Variants in CCBE1 observed in about 807,000 individuals in gnomAD.
CCBE1 encodes the protein collagen and calcium-binding EGF domain-containing protein 1.
In CCBE1, 37 loss-of-function variants were observed where a neutral mutation model predicts 50.0. That is an observed-to-expected ratio of 0.74 (90% CI 0.57 to 0.97). CCBE1 has a LOEUF of 0.97. Among genes scored for constraint, CCBE1 ranks in the 50% least tolerant of loss-of-function variants. The pLI, the probability that CCBE1 is intolerant of heterozygous loss-of-function variation, is 0.00. For synonymous variants in CCBE1, 234 were observed against 203.7 expected, an observed-to-expected ratio of 1.15 and a Z score of -1.27; for missense variants, 538 against 523.8, an observed-to-expected ratio of 1.03 and a Z score of -0.26.
intron 2 of CCBE1, among the ~76,000 whole-genome samples, chr18:59,693,702 T>C (rs142398602): frequency 6.6e-6 from 1 of 152,288 alleles, no homozygotes; most frequent in East Asian, 1.9e-4. Context: ...TATCGTTTTA[T>C]ACTCAAACAT....
At chr18:59,595,767 C>T (rs2053341736) in intron 2 of CCBE1, among the ~76,000 whole-genome samples, 1 of 152,152 alleles carries the variant, frequency 6.6e-6, no homozygotes, top group African/African-American at 2.4e-5. Flanking sequence ...CTTTGGCAGG[C>T]AGAGCAAAGG....
intron 2 of CCBE1, among the ~76,000 whole-genome samples, chr18:59,508,710 G>GTTTT (rs1568177680): frequency 1.0e-5 from 1 of 99,408 alleles, no homozygotes; most frequent in African/African-American, 4.5e-5. Flanking sequence ...ATAGAGTTAC[G>GTTTT]CTTTTTTTTT....
chr18:59,490,601 G>A (rs1913054077), intron 2 of CCBE1, among the ~76,000 whole-genome samples: 1 of 152,196 alleles, frequency 6.6e-6, no homozygotes, highest in South Asian at 2.1e-4. Flanking sequence ...ACTACATACA[G>A]GCATGTCTGC....
chr18:59,543,692 G>A (rs1386146365), intron 2 of CCBE1, among the ~76,000 whole-genome samples: 4 of 152,114 alleles, frequency 2.6e-5, no homozygotes, highest in East Asian at 1.9e-4. Context: ...AAAATTAGCC[G>A]GGTGTGGTGG....
At chr18:59,658,879 CAAAAAAAAAAAAAAA>C (rs61226521) in intron 2 of CCBE1, among the ~76,000 whole-genome samples, 1 of 54,752 alleles carries the variant, frequency 1.8e-5, no homozygotes, top group South Asian at 1.3e-3. Flanking sequence ...GACTCTGTCT[CAAAAAAAAAAAAAAA>C]AAAAAAAAAA....
At chr18:59,561,945 A>G (rs1478973928) in intron 2 of CCBE1, among the ~76,000 whole-genome samples, 1 of 151,986 alleles carries the variant, frequency 6.6e-6, no homozygotes. Context: ...TTACCTGCCT[A>G]TTGCCCCCTG....
Position 59,579,399 on chromosome 18 carries a change from T to TAAA in CCBE1, c.213-99164_213-99162dup, listed in dbSNP as rs111786909. ...ACCACTAGAATCACATGGGGATCTT[T>TAAA]AAAAAAAAAAAAAAAGATTCCTACG... is the stretch of plus-strand genomic sequence containing the variant. On this transcript the variant is annotated intron_variant, in intron 2 of 10. Transcript: ENST00000439986. Among the ~76,000 whole-genome samples, 126 of 141,046 alleles carry TAAA rather than the reference T, an allele frequency of 8.9e-4. 1 individual carries two copies. The highest frequency in any genetic ancestry group is 2.7e-3 in the African/African-American group (106 of 39,006). 92.5% of individuals were successfully genotyped at this position (141,046 alleles called of 152,430 possible).
intron 2 of CCBE1, among the ~76,000 whole-genome samples, chr18:59,690,914 C>G (rs1337228972): frequency 6.6e-6 from 1 of 152,198 alleles, no homozygotes; most frequent in Admixed American, 6.5e-5. Flanking sequence ...TTTAAGATGG[C>G]AAGTTCAAGG....
At chr18:59,595,114 C>CAAAAAAAAAAAAAAAAAAAAAAAAA (rs546035209) in intron 2 of CCBE1, among the ~76,000 whole-genome samples, 26 of 73,578 alleles carry the variant, frequency 3.5e-4, no homozygotes, top group African/African-American at 1.1e-3. Flanking sequence ...GACTCTGTCT[C>CAAAAAAAAAAAAAAAAAAAAAAAAA]AAAAAAAAAA....
chr18:59,458,760 G>A (rs1221119091), intron 5 of CCBE1, among the ~76,000 whole-genome samples: 1 of 152,238 alleles, frequency 6.6e-6, no homozygotes, highest in African/African-American at 2.4e-5. Context: ...TGTCGGCCAG[G>A]CTCCAGGGCA....
rs370808508 is a variant in CCBE1, at chr18:59,691,664, A to G, written c.212+4965T>C. On this transcript the variant is annotated intron_variant, in intron 2 of 10. Transcript: ENST00000439986. Reference sequence around the variant, plus strand: ...CGTGATCTGCCTGCCTTGGCCTCCCAAAGTGCTGGGATTACAGGCGTGAGC... The same window carrying G: ...CGTGATCTGCCTGCCTTGGCCTCCCGAAGTGCTGGGATTACAGGCGTGAGC... Among the ~76,000 whole-genome samples the G allele has an allele frequency of 1.7e-4, 26 of 152,258 alleles. No individual in the cohort carries two copies. The East Asian group carries it at 4.2e-3, about 25-fold the overall frequency.
At chr18:59,440,017 C>T (rs897821236) in intron 7 of CCBE1, among the ~76,000 whole-genome samples, 12 of 152,330 alleles carry the variant, frequency 7.9e-5, no homozygotes, top group Admixed American at 2.6e-4. Context: ...TCTCTTTTCG[C>T]GGACTGCCAG....
chr18:59,467,887 A>G (rs113230048), intron 4 of CCBE1, among the ~76,000 whole-genome samples: 1,642 of 152,300 alleles, frequency 0.011, 25 homozygotes, highest in African/African-American at 0.037. Context: ...GGCAGTACCA[A>G]CTATGTCACC....
chr18:59,527,502 G>A (rs532081402), intron 2 of CCBE1, among the ~76,000 whole-genome samples: 1 of 152,080 alleles, frequency 6.6e-6, no homozygotes, highest in East Asian at 1.9e-4. Flanking sequence ...TACATTTAGG[G>A]TTAATATTAT....
chr18:59,477,436 CAGGTT>C (rs1282029285), intron 3 of CCBE1, among the ~76,000 whole-genome samples: 1 of 152,052 alleles, frequency 6.6e-6, no homozygotes, highest in Admixed American at 6.6e-5. Flanking sequence ...TAGAAGGTGG[CAGGTT>C]ACATGTATCA....
Position 59,486,070 on chromosome 18 carries a change from CCTTGGCCTTGCTCCTTAAT to C in CCBE1, c.213-5851_213-5833del, listed in dbSNP as rs1230435179. Among the ~76,000 whole-genome samples, 17 of 152,202 alleles carry C rather than the reference CCTTGGCCTTGCTCCTTAAT, an allele frequency of 1.1e-4. No homozygotes were observed. The South Asian group carries it at 2.3e-3, about 20-fold the overall frequency. On this transcript the variant is annotated intron_variant, in intron 2 of 10. Coordinates refer to ENST00000439986, the MANE Select transcript of CCBE1 (RefSeq NM_133459.4). ...AGCTAGGGATTGCTTGCGCCTTGCT[CCTTGGCCTTGCTCCTTAAT>C]CTTGGCCTTGCTCCTTAATCTTGCT... is the stretch of plus-strand genomic sequence containing the variant.
chr18:59,645,835 T>C lies in CCBE1; in HGVS notation c.212+50794A>G, dbSNP rs377661022. On this transcript the variant is annotated intron_variant, in intron 2 of 10. Coordinates refer to ENST00000439986, the MANE Select transcript of CCBE1 (RefSeq NM_133459.4). ...TCACAAGATCAGGAGATCGAGACCA[T>C]CCTGGCTAACACGGTGAAACCCCGT... 4.6e-5 allele frequency among the ~76,000 whole-genome samples: 7 copies of C among 152,040 alleles called. No homozygotes were observed. In the East Asian group the frequency reaches 5.8e-4, roughly 13 times the overall value.
At chr18:59,599,170 G>A (rs1599049451) in intron 2 of CCBE1, among the ~76,000 whole-genome samples, 1 of 152,176 alleles carries the variant, frequency 6.6e-6, no homozygotes, top group East Asian at 1.9e-4. Context: ...AAGAATGAGA[G>A]GAAGCAAGAA....
At chr18:59,561,396 A>C (rs529857458) in intron 2 of CCBE1, among the ~76,000 whole-genome samples, 13 of 152,230 alleles carry the variant, frequency 8.5e-5, no homozygotes, top group South Asian at 8.3e-4. Flanking sequence ...CCCTCAGCCT[A>C]GGGGGTGGAG....
Sources: gnomAD v4.1 joint callset for allele counts (sites outside exome capture counted in the v4.1 genomes callset) on GRCh38, gnomAD v4.1.1 for gene constraint, MANE v1.5 for transcripts, NCBI Gene and HGNC (gene_info 2026-07-23, HGNC 2026-07-21) for gene names.